The following STK3 variants were observed in gnomAD, a reference collection of about 807,000 sequenced individuals.
STK3 encodes the protein serine/threonine-protein kinase 3.
A neutral mutation model predicts 58.0 loss-of-function variants in STK3; 41 were observed. The observed-to-expected ratio is 0.71, with a 90% confidence interval of 0.55 to 0.92. The LOEUF is 0.92. Ranked by LOEUF, STK3 falls within the 40% of genes least tolerant of loss-of-function variation. The probability of loss-of-function intolerance (pLI) is 0.00; values close to 1 mark genes in which losing one functional copy is unlikely to be tolerated. For synonymous variants in STK3, 170 were observed against 191.0 expected (o/e 0.89, Z 0.91); for missense variants, 479 against 602.7 (o/e 0.79, Z 2.15).
chr8:98,646,931 C>T (rs1299341750), intron 6 of STK3, among the ~76,000 whole-genome samples: 1 of 152,162 alleles, frequency 6.6e-6, no homozygotes, highest in Non-Finnish European at 1.5e-5. Flanking sequence ...CCCGCCCCCA[C>T]AATCTGTTCT....
At chr8:98,810,467 T>C (rs1834147847) in intron 1 of STK3, among the ~76,000 whole-genome samples, 1 of 152,058 alleles carries the variant, frequency 6.6e-6, no homozygotes, top group South Asian at 2.1e-4. Context: ...ATAGTCATCC[T>C]AAAGACTATG....
intron 6 of STK3, among the ~76,000 whole-genome samples, chr8:98,614,319 TAG>T (rs1031766269): frequency 1.2e-4 from 18 of 151,326 alleles, no homozygotes; most frequent in Admixed American, 9.9e-4. Flanking sequence ...CTGAACAGAG[TAG>T]AGTCTCCAAG....
intron 3 of STK3, among the ~76,000 whole-genome samples, chr8:98,401,887 G>T (rs959305268): frequency 4.6e-5 from 7 of 152,048 alleles, no homozygotes; most frequent in African/African-American, 1.7e-4. Context: ...GCTAATTGAG[G>T]TTACAGACGA....
chr8:98,829,141 G>A (rs1835434733), upstream of STK3, among the ~76,000 whole-genome samples: 1 of 152,194 alleles, frequency 6.6e-6, no homozygotes, highest in South Asian at 2.1e-4. Context: ...TGGATGCCCT[G>A]GTTCCCTTCC....
chr8:98,605,197 C>A (rs1816681062), intron 6 of STK3, among the ~76,000 whole-genome samples: 1 of 152,176 alleles, frequency 6.6e-6, no homozygotes, highest in African/African-American at 2.4e-5. Flanking sequence ...TTCAAAGCTG[C>A]TTCCACATTT....
chr8:98,350,534 A>G, the STK3 span, among the ~76,000 whole-genome samples: 8 of 152,264 alleles, frequency 5.3e-5, no homozygotes, highest in Middle Eastern at 3.4e-3. Flanking sequence ...AATTTACTGT[A>G]TTAGTCAATT....
intron 8 of STK3, among the ~76,000 whole-genome samples, chr8:98,551,223 T>C (rs1390405742): frequency 1.3e-5 from 2 of 152,190 alleles, no homozygotes; most frequent in African/African-American, 2.4e-5. Context: ...TTGTTAATTA[T>C]TCTCTTTTCT....
At chr8:98,665,282 C>T (rs1178187687) in intron 6 of STK3, among the ~76,000 whole-genome samples, 1 of 152,196 alleles carries the variant, frequency 6.6e-6, no homozygotes, top group Non-Finnish European at 1.5e-5. Flanking sequence ...AAAGGCAGTT[C>T]TTTCTATTTC....
chr8:98,542,809 T>C lies in STK3; in HGVS notation c.1141+5160A>G, dbSNP rs919280851. 1.4e-4 allele frequency among the ~76,000 whole-genome samples: 21 copies of C among 152,200 alleles called. 1 individual carries two copies. On this transcript the variant is annotated intron_variant, in intron 9 of 10. Transcript: ENST00000419617. The stretch of plus-strand genomic sequence containing the variant: ...TACCTAATACACACACCTGCACATA[T>C]ACACACAACAGAGAGACAAATATTT...
intron 1 of STK3, among the ~76,000 whole-genome samples, chr8:98,790,045 A>AC (rs1446611117): frequency 6.6e-6 from 1 of 151,140 alleles, no homozygotes; most frequent in Non-Finnish European, 1.5e-5. Flanking sequence ...AAAAAAAAAA[A>AC]AAGTCCAGGA....
intron 6 of STK3, among the ~76,000 whole-genome samples, chr8:98,637,055 A>AT (rs199727972): frequency 0.12 from 16,396 of 140,178 alleles, 1,082 homozygotes; most frequent in African/African-American, 0.2. Flanking sequence ...CATTTGTAAG[A>AT]TTTTTTTTTT....
intron 7 of STK3, among the ~76,000 whole-genome samples, chr8:98,585,108 C>T (rs1227814056): frequency 1.4e-4 from 21 of 151,308 alleles, no homozygotes; most frequent in African/African-American, 5.1e-4. Context: ...AATTAGATCC[C>T]ATTTGTCAAT....
chr8:98,526,783 GA>G lies in STK3; in HGVS notation c.1275del (p.Pro426LeufsTer15). 1.3e-6 allele frequency: 2 copies of G among 1,585,018 alleles called. No homozygotes were observed. The highest frequency in any genetic ancestry group is 8.6e-7 in the Non-Finnish European group (1 of 1,164,348). ...HEPFPMSKNV[F>X]PDNWKVPQDG... The stretch of plus-strand genomic sequence containing the variant: ...TCTTGAGGAACTTTCCAGTTATCAG[GA>G]AAAACGTTTTTGGACATAGGGAAGG... On this transcript the variant is annotated frameshift_variant, in exon 10 of 11. Transcript: ENST00000419617. LOFTEE classifies it high-confidence loss of function.
At chr8:98,361,851 T>C in the STK3 span, among the ~76,000 whole-genome samples, 1 of 152,148 alleles carries the variant, frequency 6.6e-6, no homozygotes, top group Non-Finnish European at 1.5e-5. Context: ...GCCTTGTGGC[T>C]TCAGAACAAG....
At chr8:98,697,008 G>C (rs568095364) in intron 6 of STK3, among the ~76,000 whole-genome samples, 1 of 152,282 alleles carries the variant, frequency 6.6e-6, no homozygotes, top group Admixed American at 6.5e-5. Context: ...TGGTTGGTAA[G>C]CTATTGACTA....
At chr8:98,908,090 A>G (rs1280912438) in intron 1 of STK3, among the ~76,000 whole-genome samples, 1 of 152,180 alleles carries the variant, frequency 6.6e-6, no homozygotes, top group African/African-American at 2.4e-5. Flanking sequence ...ACTTTCATCA[A>G]GAGGCTAATT....
chr8:98,749,935 CAGAAT>C (rs1409742733), intron 3 of STK3, among the ~76,000 whole-genome samples: 1 of 151,980 alleles, frequency 6.6e-6, no homozygotes, highest in Non-Finnish European at 1.5e-5. Context: ...TCTTCCAGAG[CAGAAT>C]AAACTATGTT....
At chr8:98,439,840 G>A (rs980185452) in intron 1 of STK3, among the ~76,000 whole-genome samples, 1 of 152,182 alleles carries the variant, frequency 6.6e-6, no homozygotes, top group Non-Finnish European at 1.5e-5. Flanking sequence ...CAGCCCTGTG[G>A]TTCACTGGCT....
chr8:98,545,384 A>C (rs1054629992), intron 9 of STK3, among the ~76,000 whole-genome samples: 1 of 152,194 alleles, frequency 6.6e-6, no homozygotes, highest in Non-Finnish European at 1.5e-5. Flanking sequence ...TGGGAGCGGG[A>C]GGGTAAAAGT....
Sources: gnomAD v4.1 joint callset for allele counts (sites outside exome capture counted in the v4.1 genomes callset) on GRCh38, gnomAD v4.1.1 for gene constraint, MANE v1.5 for transcripts, NCBI Gene and HGNC (gene_info 2026-07-23, HGNC 2026-07-21) for gene names.